GRID1: variants seen among roughly 807,000 people sequenced by gnomAD.
GRID1 encodes glutamate receptor ionotropic, delta-1.
GRID1 carries 28 observed loss-of-function variants against 98.0 expected under a neutral mutation model. The observed-to-expected ratio is 0.29, with a 90% CI of 0.21 to 0.39. The LOEUF (loss-of-function observed/expected upper bound fraction) is 0.39, where lower values mean the gene tolerates loss of function less well. GRID1 is among the 10% of genes least tolerant of loss of function. GRID1 has a pLI of 1.00. For missense variants in GRID1, 1,111 were observed against 1,340.5 expected (o/e 0.83, Z 2.67); for synonymous variants, 553 against 538.5 (o/e 1.03, Z -0.37).
intron 4 of GRID1, among the ~76,000 whole-genome samples, chr10:86,032,951 C>T (rs573540991): frequency 2.7e-5 from 4 of 150,350 alleles, no homozygotes; most frequent in Middle Eastern, 3.4e-3. Flanking sequence ...AAATCAGGAT[C>T]CAATTTAAAA....
In GRID1 at chr10:85,697,793, AC is replaced by A. The variant is rs1473391418; in HGVS notation, c.1997+25209del. 3.9e-5 allele frequency among the ~76,000 whole-genome samples: 6 copies of A among 152,132 alleles called. 1 individual carries two copies. The highest frequency in any genetic ancestry group is 3.2e-3 in the Middle Eastern group (1 of 316). ...AATTTTATAGATCATTTTTTTTCTAACCAGAGGCACTGCTTTCCAAAAATTA... is the reference window on the plus strand; with the variant it reads ...AATTTTATAGATCATTTTTTTTCTAACAGAGGCACTGCTTTCCAAAAATTA... On this transcript the variant is annotated intron_variant, in intron 12 of 15. Coordinates refer to ENST00000327946, the MANE Select transcript of GRID1 (RefSeq NM_017551.3).
At chr10:86,052,122 C>A (rs1181967223) in intron 4 of GRID1, among the ~76,000 whole-genome samples, 1 of 151,900 alleles carries the variant, frequency 6.6e-6, no homozygotes, top group Non-Finnish European at 1.5e-5. Context: ...AATAGGCAAG[C>A]CTTTCTAATA....
At chr10:86,152,081 A>G in intron 3 of GRID1, among the ~76,000 whole-genome samples, 1 of 152,242 alleles carries the variant, frequency 6.6e-6, no homozygotes. Flanking sequence ...GTGCACGAGA[A>G]GGGGTTTGTT....
intron 8 of GRID1, among the ~76,000 whole-genome samples, chr10:85,761,147 A>G (rs572362781): frequency 6.6e-6 from 1 of 152,352 alleles, no homozygotes; most frequent in South Asian, 2.1e-4. Flanking sequence ...AGCACTTGCC[A>G]TGCACTATTT....
At chr10:85,982,613 G>T (rs1312212753) in intron 4 of GRID1, among the ~76,000 whole-genome samples, 1 of 152,206 alleles carries the variant, frequency 6.6e-6, no homozygotes, top group Non-Finnish European at 1.5e-5. Context: ...TGTGGGATAA[G>T]TTGGGACATC....
intron 8 of GRID1, among the ~76,000 whole-genome samples, chr10:85,836,659 T>C (rs1273555632): frequency 6.6e-6 from 1 of 152,156 alleles, no homozygotes; most frequent in African/African-American, 2.4e-5. Flanking sequence ...TAGTGGAGCA[T>C]GGCCAGGTAC....
intron 4 of GRID1, among the ~76,000 whole-genome samples, chr10:86,061,763 T>C (rs1406338917): frequency 6.6e-6 from 1 of 152,070 alleles, no homozygotes; most frequent in African/African-American, 2.4e-5. Flanking sequence ...CCACCTGGAG[T>C]GCTCCCATTC....
intron 4 of GRID1, among the ~76,000 whole-genome samples, chr10:85,997,826 C>A (rs1425257373): frequency 6.6e-6 from 1 of 151,678 alleles, no homozygotes; most frequent in Non-Finnish European, 1.5e-5. Flanking sequence ...CTACAAGAAA[C>A]TCACTTCAAA....
intron 6 of GRID1, among the ~76,000 whole-genome samples, chr10:85,867,423 C>T (rs1843232146): frequency 6.6e-6 from 1 of 152,208 alleles, no homozygotes; most frequent in Non-Finnish European, 1.5e-5. Context: ...GAGACCCTCA[C>T]AGGCTCTGGC....
At chr10:86,265,449 T>C (rs994657418) in intron 2 of GRID1, among the ~76,000 whole-genome samples, 2 of 152,218 alleles carry the variant, frequency 1.3e-5, no homozygotes, top group African/African-American at 4.8e-5. Flanking sequence ...ATTTTACAGA[T>C]GAGGACACTG....
At chr10:86,004,605 C>A (rs1252783560) in intron 4 of GRID1, among the ~76,000 whole-genome samples, 3 of 152,194 alleles carry the variant, frequency 2.0e-5, no homozygotes, top group Admixed American at 2.0e-4. Flanking sequence ...CAAACTTCAT[C>A]TGCATTATTG....
intron 8 of GRID1, among the ~76,000 whole-genome samples, chr10:85,748,650 G>A (rs1004387451): frequency 6.6e-6 from 1 of 152,058 alleles, no homozygotes; most frequent in African/African-American, 2.4e-5. Flanking sequence ...TATTAACATT[G>A]ATAGCAGGTC....
At chr10:86,238,619 G>A (rs77333918) in intron 2 of GRID1, among the ~76,000 whole-genome samples, 3,100 of 146,616 alleles carry the variant, frequency 0.021, 97 homozygotes, top group East Asian at 0.092. Flanking sequence ...GCAGTGAGCC[G>A]AGACTGCACC....
rs187976084 is a variant in GRID1 at position 85,865,482 on chromosome 10, C to A, written c.951+3528G>T. 1.6e-4 allele frequency among the ~76,000 whole-genome samples: 24 copies of A among 152,238 alleles called. 1 individual carries two copies. The East Asian group carries it at 4.6e-3, about 29-fold the overall frequency. On this transcript the variant is annotated intron_variant, in intron 6 of 15. Transcript: ENST00000327946. ...TTCTTCTTGGTCCTCCCAGAAACTT[C>A]TAAACCAGAATGATCTTCCCAAGAG...
At chr10:86,158,094 A>G (rs1479282794) in intron 3 of GRID1, among the ~76,000 whole-genome samples, 2 of 152,220 alleles carry the variant, frequency 1.3e-5, no homozygotes, top group Non-Finnish European at 2.9e-5. Context: ...GCTCTGACAC[A>G]GGCCTGCTCA....
At chr10:85,770,610 C>T (rs945408153) in intron 8 of GRID1, among the ~76,000 whole-genome samples, 1 of 151,980 alleles carries the variant, frequency 6.6e-6, no homozygotes, top group African/African-American at 2.4e-5. Context: ...CTAGAATAAC[C>T]AATACAGAGA....
chr10:86,154,645 A>G (rs1036168668), intron 3 of GRID1, among the ~76,000 whole-genome samples: 1 of 152,224 alleles, frequency 6.6e-6, no homozygotes, highest in African/African-American at 2.4e-5. Flanking sequence ...ATGCAATAGC[A>G]GCTCAGAAAA....
At chr10:85,883,404 A>G (rs1341407875) in intron 5 of GRID1, among the ~76,000 whole-genome samples, 1 of 152,080 alleles carries the variant, frequency 6.6e-6, no homozygotes, top group African/African-American at 2.4e-5. Flanking sequence ...GTCATTTCAG[A>G]TCTGATTAAA....
intron 4 of GRID1, among the ~76,000 whole-genome samples, chr10:85,981,028 G>T (rs974235894): frequency 2.0e-5 from 3 of 152,200 alleles, no homozygotes; most frequent in African/African-American, 7.2e-5. Context: ...CAGCCTCAGC[G>T]TGGAGGGGCC....
Sources: allele counts gnomAD v4.1 joint callset (sites outside exome capture counted in the v4.1 genomes callset), GRCh38; gene constraint gnomAD v4.1.1; transcripts MANE v1.5; gene names NCBI Gene and HGNC (gene_info 2026-07-23, HGNC 2026-07-21).